Variants in RALGPS1 observed in about 807,000 individuals in gnomAD.
RALGPS1 encodes Ral GEF with PH domain and SH3 binding motif 1, also known as ras-specific guanine nucleotide-releasing factor RalGPS1.
Under a neutral mutation model 78.8 loss-of-function variants are expected in RALGPS1, and 19 were observed. That is an observed-to-expected ratio of 0.24 (90% confidence interval 0.17 to 0.35). The LOEUF (loss-of-function observed/expected upper bound fraction) is 0.35, where lower values mean the gene tolerates loss of function less well. Ranked by LOEUF, RALGPS1 falls within the 10% of genes least tolerant of loss-of-function variation. The pLI, the probability that RALGPS1 is intolerant of heterozygous loss-of-function variation, is 1.00. For missense variants in RALGPS1, 454 were observed against 688.3 expected (o/e 0.66, Z 3.81); for synonymous variants, 228 against 256.3 (o/e 0.89, Z 1.06).
intron 7 of RALGPS1, among the ~76,000 whole-genome samples, chr9:127,053,625 T>G (rs1405107825): frequency 6.6e-6 from 1 of 152,198 alleles, no homozygotes; most frequent in Non-Finnish European, 1.5e-5. Context: ...GCAAGCCTTT[T>G]AAGACCTGTT....
intron 8 of RALGPS1, among the ~76,000 whole-genome samples, chr9:127,161,102 C>T (rs1486637519): frequency 6.6e-6 from 1 of 152,242 alleles, no homozygotes; most frequent in East Asian, 1.9e-4. Context: ...GCTTTGGTAA[C>T]TCTGTGTAAA....
chr9:127,074,785 C>T (rs2050532090), intron 8 of RALGPS1, among the ~76,000 whole-genome samples: 1 of 152,224 alleles, frequency 6.6e-6, no homozygotes, highest in Non-Finnish European at 1.5e-5. Context: ...AGGACTGGGC[C>T]CAGATGGCCT....
intron 4 of RALGPS1, among the ~76,000 whole-genome samples, chr9:126,979,200 T>TTA (rs2040977837): frequency 6.6e-6 from 1 of 151,924 alleles, no homozygotes; most frequent in Non-Finnish European, 1.5e-5. Flanking sequence ...TGTTCAGCAT[T>TTA]TATGTGAAGA....
At chr9:126,952,628 T>TGAGAGA (rs34773282) in intron 1 of RALGPS1, among the ~76,000 whole-genome samples, 23 of 139,006 alleles carry the variant, frequency 1.7e-4, no homozygotes, top group South Asian at 1.5e-3. Flanking sequence ...TGGCTGTGGC[T>TGAGAGA]GAGAGAGAGA....
At chr9:126,995,835 C>G (rs1388926550) in intron 4 of RALGPS1, among the ~76,000 whole-genome samples, 1 of 152,194 alleles carries the variant, frequency 6.6e-6, no homozygotes, top group Admixed American at 6.5e-5. Context: ...AACTGTCTCT[C>G]AGAACACAGT....
chr9:127,117,509 G>A (rs1395258775), intron 8 of RALGPS1, among the ~76,000 whole-genome samples: 2 of 152,208 alleles, frequency 1.3e-5, no homozygotes, highest in Non-Finnish European at 2.9e-5. Context: ...AGGGGTCCAC[G>A]GTAGTAGGTG....
At chr9:127,108,349 C>T (rs1393923800) in intron 8 of RALGPS1, 6 of 1,612,194 alleles carry the variant, frequency 3.7e-6, no homozygotes, top group Non-Finnish European at 5.1e-6. Flanking sequence ...GTTCATGTTG[C>T]GGCTCTCCTT....
Position 127,001,807 on chromosome 9 carries a change from C to CT in RALGPS1, c.216+24063dup, listed in dbSNP as rs373588770. On this transcript the variant is annotated intron_variant, in intron 4 of 18. Transcript: ENST00000259351. Reference sequence around the variant, plus strand: ...GTTGAGGCAGGAGAATTGCTTGAACCTGGGAGGCGGAGGTTGCAGTGAGCC... The same window carrying CT: ...GTTGAGGCAGGAGAATTGCTTGAACCTTGGGAGGCGGAGGTTGCAGTGAGCC... Among the ~76,000 whole-genome samples, 461 of 152,268 alleles carry CT rather than the reference C, an allele frequency of 3.0e-3. 2 individuals carry two copies. The highest frequency in any genetic ancestry group is 5.0e-3 in the Non-Finnish European group (342 of 68,012).
chr9:126,920,248 G>A (rs995281604), intron 1 of RALGPS1, among the ~76,000 whole-genome samples: 1 of 152,066 alleles, frequency 6.6e-6, no homozygotes, highest in African/African-American at 2.4e-5. Context: ...CCAGGTCTCT[G>A]GTGAAACCCA....
intron 17 of RALGPS1, among the ~76,000 whole-genome samples, chr9:127,213,438 C>T (rs1041367217): frequency 1.3e-5 from 2 of 152,224 alleles, no homozygotes; most frequent in Non-Finnish European, 2.9e-5. Flanking sequence ...AAGACTCTGG[C>T]AGTGTCCAGT....
intron 8 of RALGPS1, among the ~76,000 whole-genome samples, chr9:127,157,925 T>G (rs1340144567): frequency 2.0e-5 from 3 of 152,126 alleles, no homozygotes; most frequent in Non-Finnish European, 4.4e-5. Flanking sequence ...ATTAAGAACA[T>G]TGTTTTAATT....
At chr9:127,069,486 C>A in intron 8 of RALGPS1, 130 bp downstream of exon 8, 3 of 1,077,038 alleles carry the variant, frequency 2.8e-6, no homozygotes, top group Non-Finnish European at 4.0e-6. Flanking sequence ...AATTGGTTGG[C>A]TCTTTGGGTT....
rs559920313 is a variant in RALGPS1 at position 127,122,958 on chromosome 9, C to A, written c.611-43111C>A. 6.6e-6 allele frequency: 1 copy of A among 152,544 alleles called. No individual in the cohort carries two copies. Among genetic ancestry groups the A allele is most frequent in the African/African-American group, 2.4e-5 (1 of 41,598 alleles). 9.4% of individuals were successfully genotyped at this position (152,544 alleles called of 1,614,324 possible). ...CTCTCCCCAAAGCTCAGGCAGCTCC[C>A]GCGTGCTGCGAGGCGGAGCGCTTCC... is the stretch of plus-strand genomic sequence containing the variant. On this transcript the variant is annotated intron_variant, in intron 8 of 18. Transcript: ENST00000259351. This position sits in a 1 kb window ranked among gnomAD's most constrained non-coding sequence, Gnocchi z 6.4.
intron 1 of RALGPS1, among the ~76,000 whole-genome samples, chr9:126,961,045 C>T (rs79534474): frequency 1.3e-5 from 2 of 152,280 alleles, no homozygotes; most frequent in African/African-American, 2.4e-5. Flanking sequence ...GTCCTCTCCT[C>T]GCCTTCCTCC....
At chr9:127,090,585 C>G (rs1412825154) in intron 8 of RALGPS1, among the ~76,000 whole-genome samples, 2 of 152,200 alleles carry the variant, frequency 1.3e-5, no homozygotes, top group Non-Finnish European at 2.9e-5. Flanking sequence ...CATGAGGATC[C>G]CCTCCACCTT....
intron 11 of RALGPS1, among the ~76,000 whole-genome samples, chr9:127,185,078 C>T (rs1490518009): frequency 6.6e-6 from 1 of 152,182 alleles, no homozygotes; most frequent in Non-Finnish European, 1.5e-5. Flanking sequence ...AACTTCTCAT[C>T]GTGTCCCCAG....
chr9:127,059,713 T>C (rs2049037461), intron 7 of RALGPS1, among the ~76,000 whole-genome samples: 1 of 152,000 alleles, frequency 6.6e-6, no homozygotes, highest in Non-Finnish European at 1.5e-5. Flanking sequence ...CCTAGAACCC[T>C]GTTCCAGCTG....
At chr9:127,057,282 G>A (rs2048824643) in intron 7 of RALGPS1, among the ~76,000 whole-genome samples, 1 of 152,236 alleles carries the variant, frequency 6.6e-6, no homozygotes, top group Non-Finnish European at 1.5e-5. Context: ...CCTGGGGACA[G>A]GGCAGGCCAG....
At chr9:127,037,033 G>A (rs2046921100) in intron 5 of RALGPS1, among the ~76,000 whole-genome samples, 1 of 152,174 alleles carries the variant, frequency 6.6e-6, no homozygotes, top group African/African-American at 2.4e-5. Context: ...TCTTGGGTTG[G>A]CTTTTGGCCT....
Sources: gnomAD v4.1 joint callset for allele counts (sites outside exome capture counted in the v4.1 genomes callset) on GRCh38, gnomAD v4.1.1 for gene constraint, Gnocchi (gnomAD v3.1) non-coding constraint, MANE v1.5 for transcripts, NCBI Gene and HGNC (gene_info 2026-07-23, HGNC 2026-07-21) for gene names.